The following RGS17 variants were observed in gnomAD, a reference collection of about 807,000 sequenced individuals.
RGS17 encodes the protein regulator of G protein signaling 17.
In RGS17, 12 loss-of-function variants were observed where a neutral mutation model predicts 25.5. The ratio of observed to expected loss-of-function variants is 0.47; its 90% CI spans 0.30 to 0.76. The LOEUF (loss-of-function observed/expected upper bound fraction) is 0.76. Among genes scored for constraint, RGS17 ranks in the 30% least tolerant of loss-of-function variants. The pLI, the probability that RGS17 is intolerant of heterozygous loss-of-function variation, is 0.07. For synonymous variants in RGS17, 71 were observed against 76.9 expected (o/e 0.92, Z 0.40); for missense variants, 196 against 242.2 (o/e 0.81, Z 1.27).
At chr6:153,089,763 TAA>T (rs1777100658) in intron 1 of RGS17, among the ~76,000 whole-genome samples, 2 of 152,286 alleles carry the variant, frequency 1.3e-5, no homozygotes, top group African/African-American at 4.8e-5. Context: ...AAAGATGCAT[TAA>T]GTTTTTTAAA....
At chr6:153,066,595 A>T (rs985803824) in intron 1 of RGS17, among the ~76,000 whole-genome samples, 1 of 152,348 alleles carries the variant, frequency 6.6e-6, no homozygotes, top group South Asian at 2.1e-4. Flanking sequence ...AAAAGTCCTC[A>T]ACAAAATACT....
chr6:153,011,484 T>C lies in RGS17; in HGVS notation c.*90A>G. 1.1e-6 allele frequency: 1 copy of C among 871,714 alleles called. No homozygotes were observed. The highest frequency in any genetic ancestry group is 1.8e-6 in the Non-Finnish European group (1 of 544,206). The allele number at this position is 871,714 out of a possible 1,614,324, so 54.0% of individuals were successfully genotyped here. A position where few individuals can be genotyped will look rare whatever the true frequency, so the allele number is the denominator to read the frequency against. The stretch of plus-strand genomic sequence containing the variant: ...CACAGTAGCCTGAGGAATGCTAAAC[T>C]GTAGTTCTCCAGGAACTCAGTTTCT... On this transcript the variant is annotated 3_prime_UTR_variant, in exon 5 of 5. Transcript: ENST00000206262.
At chr6:153,083,444 C>T (rs955605715) in intron 1 of RGS17, among the ~76,000 whole-genome samples, 3 of 152,104 alleles carry the variant, frequency 2.0e-5, no homozygotes, top group Middle Eastern at 6.3e-3. Flanking sequence ...TGGAGACAAA[C>T]ATTTTCTAAT....
At position 153,006,429 on chromosome 6, in the gene RGS17, CT is replaced by C. The variant is rs1251520565; in HGVS notation, c.*5144del. The C allele has an allele frequency of 1.8e-4, 24 of 136,016 alleles. No homozygotes were observed. The highest frequency in any genetic ancestry group is 4.0e-4 in the African/African-American group (14 of 35,186). 8.4% of individuals were successfully genotyped at this position (136,016 alleles called of 1,614,324 possible). On this transcript the variant is annotated 3_prime_UTR_variant, in exon 5 of 5. Coordinates refer to ENST00000206262, the MANE Select transcript of RGS17 (RefSeq NM_012419.5). ...TATCCATTTATCATCTATCTATCAT[CT>C]ATCTATCAATCATCTATCTATCTAT...
At chr6:153,012,821 C>A (rs1003840090) in intron 4 of RGS17, among the ~76,000 whole-genome samples, 1 of 152,216 alleles carries the variant, frequency 6.6e-6, no homozygotes, top group African/African-American at 2.4e-5. Context: ...CCTTTTAGTT[C>A]TGGCTTCTTT....
intron 1 of RGS17, among the ~76,000 whole-genome samples, chr6:153,058,690 C>A (rs921673073): frequency 1.3e-5 from 2 of 152,186 alleles, no homozygotes; most frequent in African/African-American, 4.8e-5. Flanking sequence ...GATAGTTATT[C>A]TTAGTTGTGA....
intron 1 of RGS17, among the ~76,000 whole-genome samples, chr6:153,128,540 T>C (rs943216441): frequency 1.3e-5 from 2 of 152,222 alleles, no homozygotes; most frequent in South Asian, 2.1e-4. Context: ...GTAAAATCTT[T>C]CTTAGACTTT....
intron 1 of RGS17, among the ~76,000 whole-genome samples, chr6:153,076,673 A>C (rs2129118309): frequency 6.6e-6 from 1 of 152,348 alleles, no homozygotes; most frequent in African/African-American, 2.4e-5. Context: ...AACAGAAGTC[A>C]GTTTGAAGAG....
At chr6:153,014,982 G>A (rs1779168703) in intron 4 of RGS17, among the ~76,000 whole-genome samples, 1 of 152,172 alleles carries the variant, frequency 6.6e-6, no homozygotes, top group Admixed American at 6.5e-5. Context: ...AGAAAAAGTT[G>A]ATTCCAACCC....
intron 2 of RGS17, among the ~76,000 whole-genome samples, chr6:153,028,837 A>G (rs1280172818): frequency 6.6e-6 from 1 of 152,198 alleles, no homozygotes; most frequent in Non-Finnish European, 1.5e-5. Flanking sequence ...TATTTTTATT[A>G]CATTTCCACA....
intron 1 of RGS17, among the ~76,000 whole-genome samples, chr6:153,125,146 G>A (rs751105020): frequency 6.6e-6 from 1 of 152,104 alleles, no homozygotes; most frequent in Non-Finnish European, 1.5e-5. Context: ...TAATGCCATG[G>A]CTCTTGAATT....
intron 1 of RGS17, among the ~76,000 whole-genome samples, chr6:153,044,490 T>C (rs1255631137): frequency 1.3e-5 from 2 of 152,226 alleles, no homozygotes; most frequent in African/African-American, 4.8e-5. Context: ...TTTCTAACTA[T>C]ATAAGAGTAT....
intron 4 of RGS17, among the ~76,000 whole-genome samples, chr6:153,020,346 G>C (rs950713301): frequency 2.0e-5 from 3 of 150,162 alleles, no homozygotes; most frequent in Non-Finnish European, 4.4e-5. Flanking sequence ...GTAGAGATGG[G>C]GTTTCACTAT....
At chr6:153,119,314 T>G (rs908489100) in intron 1 of RGS17, among the ~76,000 whole-genome samples, 4 of 152,322 alleles carry the variant, frequency 2.6e-5, no homozygotes, top group African/African-American at 9.6e-5. Context: ...CTGCCAAGTA[T>G]TTGTCCACCC....
intron 1 of RGS17, among the ~76,000 whole-genome samples, chr6:153,083,663 G>C (rs572916113): frequency 3.9e-5 from 6 of 152,142 alleles, no homozygotes; most frequent in Non-Finnish European, 8.8e-5. Flanking sequence ...ACCACTTTAT[G>C]GCTTGGATCT....
intron 1 of RGS17, among the ~76,000 whole-genome samples, chr6:153,100,108 C>T (rs1261259565): frequency 6.6e-6 from 1 of 152,138 alleles, no homozygotes; most frequent in East Asian, 1.9e-4. Context: ...CCTTAATTAA[C>T]CTGGCAGACC....
chr6:153,076,141 T>G (rs745483731), intron 1 of RGS17, among the ~76,000 whole-genome samples: 1 of 152,180 alleles, frequency 6.6e-6, no homozygotes, highest in Non-Finnish European at 1.5e-5. Flanking sequence ...AGAATCCATT[T>G]AGGCAAATTT....
chr6:153,011,809 A>T, intron 4 of RGS17, 47 bp from the exon 5 acceptor site: 1 of 1,372,464 alleles, frequency 7.3e-7, no homozygotes, highest in South Asian at 1.4e-5. Context: ...TTTTTTCAAA[A>T]GACCTCAATT....
intron 1 of RGS17, among the ~76,000 whole-genome samples, chr6:153,063,498 A>C (rs6557256): frequency 6.6e-6 from 1 of 151,874 alleles, no homozygotes; most frequent in South Asian, 2.1e-4. Flanking sequence ...GAAAGAATTA[A>C]TGAACTTGAA....
Sources: gnomAD v4.1 joint callset for allele counts (sites outside exome capture counted in the v4.1 genomes callset) on GRCh38, gnomAD v4.1.1 for gene constraint, MANE v1.5 for transcripts, NCBI Gene and HGNC (gene_info 2026-07-23, HGNC 2026-07-21) for gene names.